KIF9: variants seen among roughly 807,000 people sequenced by gnomAD.
The protein encoded by KIF9 is kinesin family member 9.
KIF9 carries 68 observed loss-of-function variants against 94.8 expected under a neutral mutation model. The observed-to-expected ratio is 0.72, with a 90% CI of 0.59 to 0.88. The LOEUF (loss-of-function observed/expected upper bound fraction) is 0.88. Ranked by LOEUF, KIF9 falls within the 40% of genes least tolerant of loss-of-function variation. The pLI, the probability that KIF9 is intolerant of heterozygous loss-of-function variation, is 0.00. For missense variants in KIF9, 882 were observed against 982.5 expected (o/e 0.90, Z 1.37); for synonymous variants, 343 against 362.1 (o/e 0.95, Z 0.60).
rs765763930 is a variant in KIF9, at chr3:47,240,944, C to T, written c.1781G>A (p.Arg594Gln). Residue 594 changes from arginine to glutamine, a missense_variant, in exon 17 of 21, where the codon CGA becomes CAA. Physicochemically the swap from Arg to Gln is conservative, Grantham distance 43 (BLOSUM62 1). Coordinates refer to ENST00000684063, the MANE Select transcript of KIF9 (RefSeq NM_182902.4). ...FKNEQGSEIN[R>Q]IFKENKSILN... is the part of the protein sequence containing the mutation. The stretch of plus-strand genomic sequence containing the variant: ...GATGGATTTGTTTTCTTTGAAAATT[C>T]GGTTGATCTCACTACCTTGCTCATT... 21 of 1,614,014 alleles carry T rather than the reference C, an allele frequency of 1.3e-5. No homozygotes were observed. In the African/African-American group the frequency reaches 1.5e-4, roughly 11 times the overall value.
In KIF9 at chr3:47,228,685, G is replaced by A. The variant is rs1698328588; in HGVS notation, c.2340C>T (p.Thr780=). The part of the protein sequence containing the change: ...KIEQKHNYLK[T]MMGLQQAHRK ...TATGTGCCTGCTGGAGGCCCATCAT[G>A]GTTTTCAAGTAATTATGCTGGACAC... Residue 780 remains threonine, a synonymous_variant, in exon 21 of 21, where the codon ACC becomes ACT. Transcript: ENST00000684063. 6.2e-7 allele frequency: 1 copy of A among 1,613,818 alleles called. No homozygotes were observed. The highest frequency in any genetic ancestry group is 8.5e-7 in the Non-Finnish European group (1 of 1,179,790).
In KIF9 at chr3:47,236,639, G is replaced by A. The variant is rs751784449; in HGVS notation, c.1925-20C>T. The A allele has an allele frequency of 8.7e-6, 14 of 1,611,586 alleles. No individual in the cohort carries two copies. In the East Asian group the frequency reaches 3.1e-4, roughly 36 times the overall value. On this transcript the variant is annotated intron_variant, in intron 17 of 20. Transcript: ENST00000684063. ...ACTTGCCTGCAAGGTGATGGAAGAAGTCAGGAAATGAGGAGGTGTCCACCT... is the reference window on the plus strand; with the variant it reads ...ACTTGCCTGCAAGGTGATGGAAGAAATCAGGAAATGAGGAGGTGTCCACCT...
rs1698789728 is a variant in KIF9, at chr3:47,233,705, GAAAAGA to G, written c.2322+1802_2322+1807del. Reference sequence around the variant, plus strand: ...AGCACAACACCGTCTCAAAAGAAAAGAAAAGAAAAAAAAAAGACACAGAAGCACCAA... The same window carrying G: ...AGCACAACACCGTCTCAAAAGAAAAGAAAAAAAAAGACACAGAAGCACCAA... On this transcript the variant is annotated intron_variant, in intron 20 of 20. Coordinates refer to ENST00000684063, the MANE Select transcript of KIF9 (RefSeq NM_182902.4). Among the ~76,000 whole-genome samples, 7 of 148,266 alleles carry G rather than the reference GAAAAGA, an allele frequency of 4.7e-5. No individual in the cohort carries two copies. In the Admixed American group the frequency reaches 4.8e-4, roughly 10 times the overall value.
chr3:47,249,561 A>T (rs986093199), intron 10 of KIF9, among the ~76,000 whole-genome samples: 1 of 152,176 alleles, frequency 6.6e-6, no homozygotes, highest in African/African-American at 2.4e-5. Context: ...GGCTTTTGAG[A>T]TCTGCCCCCA....
chr3:47,266,806 G>A (rs927386436), intron 7 of KIF9, among the ~76,000 whole-genome samples, 170 bp downstream of exon 7: 3 of 152,002 alleles, frequency 2.0e-5, no homozygotes, highest in Admixed American at 6.6e-5. Context: ...GGTAATAGCC[G>A]TTCCCTTTTT....
rs11301132 is a variant in KIF9, at chr3:47,253,460, A to AT, written c.1059+4022dup. ...CATGAGCCACGCACCCGGCCCAGTG[A>AT]TTTTTTTTTTTTTAAGAAGTAAAAC... On this transcript the variant is annotated intron_variant, in intron 10 of 20. Transcript: ENST00000684063. Among the ~76,000 whole-genome samples, 69 of 148,126 alleles carry AT rather than the reference A, an allele frequency of 4.7e-4. 1 individual carries two copies. The highest frequency in any genetic ancestry group is 1.1e-3 in the African/African-American group (43 of 40,326).
chr3:47,262,274 G>GT (rs549931720), intron 9 of KIF9, among the ~76,000 whole-genome samples: 9,869 of 143,562 alleles, frequency 0.069, 1,039 homozygotes, highest in African/African-American at 0.23. Flanking sequence ...GGGTTTTTTT[G>GT]TTTTTTTTTT....
chr3:47,246,861 G>C (rs903827045), intron 12 of KIF9, among the ~76,000 whole-genome samples: 1 of 152,178 alleles, frequency 6.6e-6, no homozygotes, highest in Non-Finnish European at 1.5e-5. Flanking sequence ...TCCAAGAAGA[G>C]GGGTTTGATG....
intron 2 of KIF9, among the ~76,000 whole-genome samples, chr3:47,276,329 G>A (rs1207481271): frequency 2.6e-5 from 4 of 152,150 alleles, no homozygotes; most frequent in Admixed American, 6.5e-5. Context: ...GCCGTGGCAG[G>A]TAGATCACCT....
Position 47,236,092 on chromosome 3 carries a change from A to C in KIF9, c.2159T>G (p.Leu720Arg). 6.2e-7 allele frequency: 1 copy of C among 1,614,208 alleles called. No homozygotes were observed. Among genetic ancestry groups the C allele is most frequent in the Non-Finnish European group, 8.5e-7 (1 of 1,180,016 alleles). ...FVIPEDMQMA[L>R]KPGGSIRPGM... Reference sequence around the variant, plus strand: ...TGGCCGGATGCTGCCGCCTGGCTTCAGTGCCATCTGCATGTCCTCAGGGAT... The same window carrying C: ...TGGCCGGATGCTGCCGCCTGGCTTCCGTGCCATCTGCATGTCCTCAGGGAT... Residue 720 changes from leucine (L) to arginine (R), a missense_variant, in exon 19 of 21, where the codon CTG becomes CGG. Transcript: ENST00000684063.
At chr3:47,249,330 G>A (rs993792916) in intron 10 of KIF9, among the ~76,000 whole-genome samples, 5 of 151,728 alleles carry the variant, frequency 3.3e-5, no homozygotes, top group Non-Finnish European at 5.9e-5. Context: ...ATTTTTAGTA[G>A]AGATGGGGTT....
intron 16 of KIF9, among the ~76,000 whole-genome samples, chr3:47,241,659 A>ATGTG (rs141584824): frequency 5.5e-4 from 81 of 147,812 alleles, no homozygotes; most frequent in Non-Finnish European, 7.9e-4. Flanking sequence ...GTATATATAT[A>ATGTG]TGTGTGTGTG....
At chr3:47,232,431 T>C (rs1465837907) in intron 20 of KIF9, among the ~76,000 whole-genome samples, 3 of 151,800 alleles carry the variant, frequency 2.0e-5, no homozygotes, top group African/African-American at 7.3e-5. Flanking sequence ...ACTACAGGCA[T>C]GCGTCACCAC....
At chr3:47,234,363 G>A (rs1233658077) in intron 20 of KIF9, among the ~76,000 whole-genome samples, 2 of 150,944 alleles carry the variant, frequency 1.3e-5, no homozygotes, top group Non-Finnish European at 3.0e-5. Context: ...CCTCCCGAGT[G>A]GCTGGGACTA....
rs1701781974 is a variant in KIF9 at position 47,273,612 on chromosome 3, G to A, written c.306C>T (p.Thr102=). 8.1e-6 allele frequency: 13 copies of A among 1,613,976 alleles called. No individual in the cohort carries two copies. Among genetic ancestry groups the A allele is most frequent in the Non-Finnish European group, 1.1e-5 (13 of 1,179,928 alleles). Residue 102 remains threonine (T), a synonymous_variant, in exon 4 of 21, where the codon ACC becomes ACT. Coordinates refer to ENST00000684063, the MANE Select transcript of KIF9 (RefSeq NM_182902.4). ...TGTAATTCTCAGTTGCCCCCATCAT[G>A]GTGTATGTCTTGCCAGCTCCCGTCT... ...YGQTGAGKTY[T]MMGATENYKH...
At chr3:47,240,064 C>T in intron 17 of KIF9, 1 of 603,140 alleles carries the variant, frequency 1.7e-6, no homozygotes, top group Non-Finnish European at 2.5e-6. Context: ...GGCTGAGGGG[C>T]TGGGAATCTG....
chr3:47,278,797 T>G (rs1194395407), intron 1 of KIF9, among the ~76,000 whole-genome samples: 3 of 150,526 alleles, frequency 2.0e-5, no homozygotes, highest in Non-Finnish European at 4.4e-5. Context: ...CATGGTGAAA[T>G]GCCATCTCTA....
At position 47,282,785 on chromosome 3, in the gene KIF9, C is replaced by G. The variant is rs112526190; in HGVS notation, c.-296G>C. ...AGATAGCGAGGGAACGAAGGCCGCA[C>G]ATGAACCAGGAAGCGGAGTGGCGGG... On this transcript the variant is annotated 5_prime_UTR_variant, in exon 1 of 21. It removes an upstream start codon present in the reference 5' UTR. Transcript: ENST00000684063. The G allele has an allele frequency of 6.3e-6, 9 of 1,432,248 alleles. No homozygotes were observed. In the African/African-American group the frequency reaches 1.0e-4, roughly 16 times the overall value. 88.7% of individuals were successfully genotyped at this position (1,432,248 alleles called of 1,614,324 possible). A position where few individuals can be genotyped will look rare whatever the true frequency, so the allele number is the denominator to read the frequency against.
At chr3:47,259,688 C>A (rs1252852021) in intron 9 of KIF9, among the ~76,000 whole-genome samples, 2 of 148,892 alleles carry the variant, frequency 1.3e-5, no homozygotes, top group African/African-American at 5.0e-5. Flanking sequence ...CTCTCTGAAA[C>A]GTGTGCTGTG....
Sources: allele counts gnomAD v4.1 joint callset (sites outside exome capture counted in the v4.1 genomes callset), GRCh38; gene constraint gnomAD v4.1.1; transcripts MANE v1.5; gene names NCBI Gene and HGNC (gene_info 2026-07-23, HGNC 2026-07-21).